Variants in P2RY6 observed in about 807,000 individuals in gnomAD.
The protein encoded by P2RY6 is pyrimidinergic receptor P2Y6.
A neutral mutation model predicts 16.3 loss-of-function variants in P2RY6; 19 were observed. The ratio of observed to expected loss-of-function variants is 1.16; its 90% CI spans 0.81 to 1.71. The LOEUF (loss-of-function observed/expected upper bound fraction) is 1.71, where lower values mean the gene tolerates loss of function less well. Ranked by LOEUF, P2RY6 falls within the 40% of genes most tolerant of loss-of-function variation. The pLI, the probability that P2RY6 is intolerant of heterozygous loss-of-function variation, is 0.00. For missense variants in P2RY6, 389 were observed against 455.5 expected (o/e 0.85, Z 1.33); for synonymous variants, 184 against 201.5 (o/e 0.91, Z 0.74).
chr11:73,271,187 G>A (rs923112642), upstream of P2RY6, among the ~76,000 whole-genome samples: 3 of 152,148 alleles, frequency 2.0e-5, no homozygotes, highest in East Asian at 1.9e-4. Context: ...AGGTAGAGCC[G>A]CCCGGGCTGC....
chr11:73,283,689 C>G (rs1863852956), intron 1 of P2RY6, among the ~76,000 whole-genome samples: 1 of 152,212 alleles, frequency 6.6e-6, no homozygotes, highest in South Asian at 2.1e-4. Flanking sequence ...GAGCTGGGCT[C>G]AAAGGCTCCT....
At chr11:73,272,791 A>G (rs1406997905) in intron 1 of P2RY6, among the ~76,000 whole-genome samples, 2 of 151,922 alleles carry the variant, frequency 1.3e-5, no homozygotes, top group African/African-American at 4.8e-5. Context: ...TTGGAGTGCA[A>G]ATGGCTGGCA....
rs746032993 is a variant in P2RY6, at chr11:73,296,602, G to A, written c.84G>A (p.Leu28=). Residue 28 remains leucine, a synonymous_variant, in exon 3 of 3, where the codon CTG becomes CTA. Coordinates refer to ENST00000540124, the MANE Select transcript of P2RY6 (RefSeq NM_001277204.2). ...ACCGCGAGAACTTCAAGCAACTGCT[G>A]CTGCCACCTGTGTATTCGGCGGTGC... The part of the protein sequence containing the change: ...CVYRENFKQL[L]LPPVYSAVLA... 2 of 1,614,144 alleles carry A rather than the reference G, an allele frequency of 1.2e-6. No individual in the cohort carries two copies. Among genetic ancestry groups the A allele is most frequent in the Non-Finnish European group, 1.7e-6 (2 of 1,180,060 alleles).
rs189168389 is a variant in P2RY6, at chr11:73,292,588, C to T, written c.-120-3142C>T. The stretch of plus-strand genomic sequence containing the variant: ...TGGGGCTGGCAGCCTCTGGTTCTCC[C>T]CTACCCCTCCTCCTCTGCCCCCATC... On this transcript the variant is annotated intron_variant, in intron 1 of 2. Coordinates refer to ENST00000540124, the MANE Select transcript of P2RY6 (RefSeq NM_001277204.2). Among the ~76,000 whole-genome samples the T allele has an allele frequency of 3.5e-3, 536 of 152,324 alleles. 3 individuals are homozygous for T. Among genetic ancestry groups the T allele is most frequent in the Non-Finnish European group, 5.0e-3 (339 of 68,030 alleles).
intron 1 of P2RY6, chr11:73,292,954 G>C: frequency 6.7e-6 from 6 of 889,966 alleles, no homozygotes; most frequent in Non-Finnish European, 8.1e-6. Context: ...CCATGGGCCA[G>C]TGCAGGGGTT....
upstream of P2RY6, among the ~76,000 whole-genome samples, chr11:73,267,753 G>C (rs1863152684): frequency 6.6e-6 from 1 of 152,158 alleles, no homozygotes; most frequent in Non-Finnish European, 1.5e-5. Context: ...GAGCAAGCTG[G>C]GGACAATCCT....
chr11:73,292,755 T>C (rs2135751267), intron 1 of P2RY6: 3 of 982,760 alleles, frequency 3.1e-6, no homozygotes, highest in South Asian at 9.4e-5. Flanking sequence ...CCACAGGGGC[T>C]CTTTTAGTCA....
rs190085750 is a variant in P2RY6, at chr11:73,280,912, G to A, written c.-121+8446G>A. On this transcript the variant is annotated intron_variant, in intron 1 of 2. Coordinates refer to ENST00000540124, the MANE Select transcript of P2RY6 (RefSeq NM_001277204.2). Reference sequence around the variant, plus strand: ...CGTAGAAAGAGAAACAATGAAGTCAGACTTTTGCTGAGCCAGGGTCCATCT... The same window carrying A: ...CGTAGAAAGAGAAACAATGAAGTCAAACTTTTGCTGAGCCAGGGTCCATCT... 1.7e-3 allele frequency among the ~76,000 whole-genome samples: 263 copies of A among 152,202 alleles called. 1 individual carries two copies. Among genetic ancestry groups the A allele is most frequent in the Non-Finnish European group, 2.8e-3 (190 of 68,040 alleles).
intron 2 of P2RY6, among the ~76,000 whole-genome samples, chr11:73,296,231 AAAATATAT>A (rs1245280373): frequency 1.3e-4 from 16 of 123,046 alleles, no homozygotes; most frequent in African/African-American, 1.7e-4. Context: ...AGGAAAAAAA[AAAATATAT>A]ATATATATAT....
intron 1 of P2RY6, among the ~76,000 whole-genome samples, chr11:73,292,626 C>T (rs1204801597): frequency 6.6e-6 from 1 of 152,264 alleles, no homozygotes; most frequent in African/African-American, 2.4e-5. Flanking sequence ...CCTCTTTCCC[C>T]TGCTGGGGTA....
At chr11:73,280,662 C>G (rs940784019) in intron 1 of P2RY6, among the ~76,000 whole-genome samples, 2 of 152,188 alleles carry the variant, frequency 1.3e-5, no homozygotes, top group African/African-American at 4.8e-5. Flanking sequence ...CTGGGCCTCC[C>G]CTGTCCCTGA....
intron 1 of P2RY6, among the ~76,000 whole-genome samples, chr11:73,285,624 T>G (rs1337004237): frequency 2.0e-5 from 3 of 152,204 alleles, no homozygotes; most frequent in Non-Finnish European, 4.4e-5. Flanking sequence ...TTGGTGGCCC[T>G]GGCAAGTAAC....
intron 1 of P2RY6, among the ~76,000 whole-genome samples, chr11:73,292,005 T>C (rs917790251): frequency 6.6e-6 from 1 of 152,224 alleles, no homozygotes; most frequent in Non-Finnish European, 1.5e-5. Context: ...GGAATGCTGC[T>C]TCCCCCTCTG....
At chr11:73,289,869 A>AC (rs1275219799) in intron 1 of P2RY6, among the ~76,000 whole-genome samples, 2 of 151,858 alleles carry the variant, frequency 1.3e-5, no homozygotes, top group African/African-American at 4.8e-5. Flanking sequence ...GGAATAATCC[A>AC]CCCCCCACCA....
upstream of P2RY6, among the ~76,000 whole-genome samples, chr11:73,268,582 C>T (rs1863181482): frequency 6.6e-6 from 1 of 152,186 alleles, no homozygotes; most frequent in Non-Finnish European, 1.5e-5. Flanking sequence ...TGTGTTTGCA[C>T]CACTGCACTC....
At chr11:73,280,774 A>G (rs937330167) in intron 1 of P2RY6, among the ~76,000 whole-genome samples, 8 of 152,218 alleles carry the variant, frequency 5.3e-5, no homozygotes, top group African/African-American at 1.9e-4. Flanking sequence ...ACTGAAAGTA[A>G]ATCAGAGTCC....
intron 1 of P2RY6, among the ~76,000 whole-genome samples, chr11:73,274,930 G>C (rs1479421139): frequency 6.6e-6 from 1 of 152,246 alleles, no homozygotes; most frequent in Non-Finnish European, 1.5e-5. Context: ...CCAGGCTCTG[G>C]CTCTCCCTCT....
At chr11:73,280,551 C>A (rs150525599) in intron 1 of P2RY6, among the ~76,000 whole-genome samples, 251 of 152,276 alleles carry the variant, frequency 1.6e-3, no homozygotes, top group African/African-American at 5.8e-3. Context: ...TCCCTCCATG[C>A]CTGTGTTCTG....
At chr11:73,275,263 G>A (rs1265732363) in intron 1 of P2RY6, among the ~76,000 whole-genome samples, 3 of 152,176 alleles carry the variant, frequency 2.0e-5, no homozygotes, top group Admixed American at 6.5e-5. Context: ...GGGCAGTGCC[G>A]GTTTTCATGG....
Sources: allele counts gnomAD v4.1 joint callset (sites outside exome capture counted in the v4.1 genomes callset), GRCh38; gene constraint gnomAD v4.1.1; transcripts MANE v1.5; gene names NCBI Gene and HGNC (gene_info 2026-07-23, HGNC 2026-07-21).